Variants in DGKB observed in about 807,000 individuals in gnomAD.
DGKB encodes the protein 90 kDa diacylglycerol kinase.
A neutral mutation model predicts 114.3 loss-of-function variants in DGKB; 67 were observed. The ratio of observed to expected loss-of-function variants is 0.59; its 90% CI spans 0.48 to 0.72. The LOEUF (loss-of-function observed/expected upper bound fraction) is 0.72. Among genes scored for constraint, DGKB ranks in the 30% least tolerant of loss-of-function variants. The pLI is 0.00. For synonymous variants in DGKB, 398 were observed against 323.1 expected (o/e 1.23, Z -2.49); for missense variants, 907 against 975.2 (o/e 0.93, Z 0.93).
At chr7:14,927,016 C>T (rs1035883193) in intron 1 of DGKB, among the ~76,000 whole-genome samples, 1 of 151,860 alleles carries the variant, frequency 6.6e-6, no homozygotes, top group Non-Finnish European at 1.5e-5. Context: ...GCTGCAGACT[C>T]TTGAAGGAGC....
chr7:14,213,206 A>G (rs1204196970), intron 23 of DGKB, among the ~76,000 whole-genome samples: 5 of 152,086 alleles, frequency 3.3e-5, no homozygotes, highest in African/African-American at 1.2e-4. Context: ...ATTCATTTTA[A>G]TTAATGCCCA....
chr7:14,478,799 A>G (rs1345578898), intron 20 of DGKB, among the ~76,000 whole-genome samples: 2 of 119,130 alleles, frequency 1.7e-5, no homozygotes, highest in African/African-American at 5.7e-5. Context: ...TAGCTCGTTG[A>G]ATAGAAAAAA....
At chr7:14,647,667 G>A (rs1044901503) in intron 13 of DGKB, among the ~76,000 whole-genome samples, 13 of 152,208 alleles carry the variant, frequency 8.5e-5, no homozygotes, top group Middle Eastern at 3.4e-3. Context: ...GTAACAGCTC[G>A]GGTCTACAGC....
intron 20 of DGKB, among the ~76,000 whole-genome samples, chr7:14,517,808 G>C (rs1221486393): frequency 6.6e-6 from 1 of 151,828 alleles, no homozygotes; most frequent in Admixed American, 6.6e-5. Flanking sequence ...GTAAAAAAAA[G>C]TAACAGATGC....
intron 23 of DGKB, among the ~76,000 whole-genome samples, chr7:14,302,906 A>T (rs1803812793): frequency 6.6e-6 from 1 of 152,156 alleles, no homozygotes; most frequent in Non-Finnish European, 1.5e-5. Context: ...TCAGCACTAA[A>T]TGAATCATAG....
chr7:14,400,251 A>G (rs1053000700), intron 21 of DGKB, among the ~76,000 whole-genome samples: 1 of 151,822 alleles, frequency 6.6e-6, no homozygotes, highest in Non-Finnish European at 1.5e-5. Flanking sequence ...TAACCCACAG[A>G]CTTCCTTACA....
intron 23 of DGKB, among the ~76,000 whole-genome samples, chr7:14,249,874 G>A (rs1176567213): frequency 6.6e-6 from 1 of 151,418 alleles, no homozygotes; most frequent in Non-Finnish European, 1.5e-5. Flanking sequence ...TGCTAATTTT[G>A]GGTTTAATTT....
At chr7:14,426,992 G>A (rs940824589) in intron 21 of DGKB, among the ~76,000 whole-genome samples, 12 of 151,894 alleles carry the variant, frequency 7.9e-5, no homozygotes, top group South Asian at 2.1e-4. Context: ...CCCAGGAGAC[G>A]GAGGTTACAG....
At chr7:14,265,318 CT>C (rs781569705) in intron 23 of DGKB, among the ~76,000 whole-genome samples, 37 of 67,732 alleles carry the variant, frequency 5.5e-4, no homozygotes, top group Non-Finnish European at 6.5e-4. Flanking sequence ...CTCTTGCATT[CT>C]TTTTTTTTTT....
intron 20 of DGKB, among the ~76,000 whole-genome samples, chr7:14,511,320 G>A (rs1204260186): frequency 6.6e-6 from 1 of 152,122 alleles, no homozygotes; most frequent in Non-Finnish European, 1.5e-5. Context: ...CAGCTTCTCT[G>A]TCAGCACTTG....
chr7:14,439,091 C>T (rs1289601269), intron 21 of DGKB, among the ~76,000 whole-genome samples: 1 of 151,502 alleles, frequency 6.6e-6, no homozygotes, highest in African/African-American at 2.4e-5. Context: ...CTTTACAAAA[C>T]AGACAAACAA....
intron 21 of DGKB, among the ~76,000 whole-genome samples, chr7:14,443,623 T>C (rs1830359473): frequency 6.6e-6 from 1 of 152,134 alleles, no homozygotes; most frequent in South Asian, 2.1e-4. Flanking sequence ...TCACTTTAGT[T>C]GTGTTCCTTG....
intron 4 of DGKB, among the ~76,000 whole-genome samples, chr7:14,746,472 T>C (rs987902869): frequency 5.9e-5 from 9 of 152,094 alleles, no homozygotes; most frequent in Admixed American, 2.0e-4. Context: ...TCAGCTTAGA[T>C]ACATTTTTAA....
chr7:14,906,447 C>CTTTTTTTTTTTTTTTTTTTTTTTTTTTT, upstream of DGKB, among the ~76,000 whole-genome samples: 1 of 103,882 alleles, frequency 9.6e-6, no homozygotes, highest in Non-Finnish European at 2.0e-5. Context: ...TTTTTTCTGT[C>CTTTTTTTTTTTTTTTTTTTTTTTTTTTT]TTTTTTTTTT....
At chr7:14,170,897 G>C (rs138979020) in intron 25 of DGKB, among the ~76,000 whole-genome samples, 23 of 152,330 alleles carry the variant, frequency 1.5e-4, no homozygotes, top group African/African-American at 5.5e-4. Context: ...CAAGCAGTCA[G>C]TGTCCAAGTC....
intron 23 of DGKB, among the ~76,000 whole-genome samples, chr7:14,247,312 A>C (rs1000730139): frequency 2.0e-5 from 3 of 152,160 alleles, no homozygotes; most frequent in Non-Finnish European, 4.4e-5. Flanking sequence ...GCGGCAATGA[A>C]CATGAGAGTA....
intron 21 of DGKB, among the ~76,000 whole-genome samples, chr7:14,400,238 G>A (rs904488437): frequency 6.6e-6 from 1 of 151,770 alleles, no homozygotes; most frequent in African/African-American, 2.4e-5. Flanking sequence ...TAAATAGTCA[G>A]AATAACCCAC....
chr7:14,604,461 T>A (rs3951244), intron 17 of DGKB, among the ~76,000 whole-genome samples: 1 of 152,114 alleles, frequency 6.6e-6, no homozygotes, highest in African/African-American at 2.4e-5. Context: ...AAAATATTTT[T>A]AAAAAAGAAT....
At chr7:14,967,572 C>T (rs945477028) in intron 1 of DGKB, among the ~76,000 whole-genome samples, 11 of 150,062 alleles carry the variant, frequency 7.3e-5, no homozygotes, top group East Asian at 3.9e-4. Flanking sequence ...TCATTCACCT[C>T]GGCCTCCCAC....
Sources: allele counts gnomAD v4.1 joint callset (sites outside exome capture counted in the v4.1 genomes callset), GRCh38; gene constraint gnomAD v4.1.1; transcripts MANE v1.5; gene names NCBI Gene and HGNC (gene_info 2026-07-23, HGNC 2026-07-21).